The following NCOA6 variants were observed in gnomAD, a reference collection of about 807,000 sequenced individuals.
The protein encoded by NCOA6 is nuclear receptor coactivator 6, also known as NRC RAP250.
NCOA6 carries 49 observed loss-of-function variants against 171.4 expected under a neutral mutation model. The ratio of observed to expected loss-of-function variants is 0.29; its 90% CI spans 0.23 to 0.36. The LOEUF (loss-of-function observed/expected upper bound fraction) is 0.36, where lower values mean the gene tolerates loss of function less well. NCOA6 is among the 10% of genes least tolerant of loss of function. The pLI is 1.00. For synonymous variants in NCOA6, 910 were observed against 927.5 expected (o/e 0.98, Z 0.34); for missense variants, 2,248 against 2,554.5 (o/e 0.88, Z 2.59).
rs1374795918 is a variant in NCOA6, at chr20:34,741,047, G to T, written c.5209C>A (p.Arg1737=). 1 of 1,614,228 alleles carries T rather than the reference G, an allele frequency of 6.2e-7. No individual in the cohort carries two copies. Among genetic ancestry groups the T allele is most frequent in the Non-Finnish European group, 8.5e-7 (1 of 1,180,040 alleles). The change falls in exon 11 of 15, where the codon CGA becomes AGA. Residue 1737 remains arginine (R), a synonymous_variant. Transcript: ENST00000359003. ...QTGRPLVLSS[R]ATPVQLPSPP... ...GAAGGAAGCTGAACAGGGGTGGCTC[G>T]TGAGCTAAGGACCAAAGGTCGACCT... is the stretch of plus-strand genomic sequence containing the variant.
chr20:34,762,344 C>T (rs969856555), intron 5 of NCOA6, among the ~76,000 whole-genome samples: 3 of 152,148 alleles, frequency 2.0e-5, no homozygotes, highest in Non-Finnish European at 2.9e-5. Flanking sequence ...TTTCCTGTAA[C>T]AGCACATAGG....
In NCOA6 at chr20:34,759,058, T is replaced by C; in HGVS notation, c.515-125A>G. 7 of 1,027,684 alleles carry C rather than the reference T, an allele frequency of 6.8e-6. No homozygotes were observed. The Admixed American group carries it at 1.8e-4, about 26-fold the overall frequency. The allele number at this position is 1,027,684 out of a possible 1,614,324, so 63.7% of individuals were successfully genotyped here. A position where few individuals can be genotyped will look rare whatever the true frequency, so the allele number is the denominator to read the frequency against. On this transcript the variant is annotated intron_variant, in intron 5 of 14. Transcript: ENST00000359003. ...TTTTTTTTTTGACAGGGTCTCGCTC[T>C]GTTGCCCAGTCTGCCAAGTGGCACA...
chr20:34,749,507 A>G lies in NCOA6; in HGVS notation c.2688T>C (p.Ser896=), dbSNP rs143585510. 20 of 1,614,244 alleles carry G rather than the reference A, an allele frequency of 1.2e-5. No individual in the cohort carries two copies. The highest frequency in any genetic ancestry group is 1.6e-5 in the Non-Finnish European group (19 of 1,180,048). ...LLVNLLQSDI[S]AGHFGVNNKQ... The stretch of plus-strand genomic sequence containing the variant: ...TATTGTTTACCCCAAAATGGCCTGC[A>G]GATATGTCACTCTGCAATAAGTTGA... Residue 896 remains serine, a synonymous_variant, in exon 9 of 15, where the codon TCT becomes TCC. Transcript: ENST00000359003.
At chr20:34,799,839 C>T (rs977126385) in intron 1 of NCOA6, among the ~76,000 whole-genome samples, 6 of 152,022 alleles carry the variant, frequency 3.9e-5, no homozygotes, top group African/African-American at 9.7e-5. Context: ...CTACAAGAAA[C>T]GCTAAAGGGA....
intron 4 of NCOA6, among the ~76,000 whole-genome samples, chr20:34,775,238 T>C (rs779552733): frequency 1.3e-5 from 2 of 152,118 alleles, no homozygotes; most frequent in Non-Finnish European, 2.9e-5. Flanking sequence ...AGTTTGGTCT[T>C]CATTCTTTGA....
chr20:34,740,278 A>G, intron 11 of NCOA6, 85 bp downstream of exon 11: 1 of 1,492,120 alleles, frequency 6.7e-7, no homozygotes, highest in Non-Finnish European at 9.0e-7. Flanking sequence ...CTTTCCTCCA[A>G]GTAAAAAAGG....
At chr20:34,810,595 A>G (rs1479864249) in intron 1 of NCOA6, among the ~76,000 whole-genome samples, 3 of 149,698 alleles carry the variant, frequency 2.0e-5, no homozygotes, top group East Asian at 3.9e-4. Context: ...TCGCTCTGTC[A>G]CCCAGGCTGG....
At chr20:34,799,233 T>G (rs1007161052) in intron 1 of NCOA6, among the ~76,000 whole-genome samples, 1 of 152,068 alleles carries the variant, frequency 6.6e-6, no homozygotes, top group Non-Finnish European at 1.5e-5. Context: ...ACCAGCAGAA[T>G]TGATCAAGAA....
At chr20:34,754,319 G>A (rs1004355081) in intron 8 of NCOA6, among the ~76,000 whole-genome samples, 6 of 152,184 alleles carry the variant, frequency 3.9e-5, no homozygotes, top group East Asian at 3.8e-4. Context: ...CTGCTGGTCT[G>A]TAAATAAACA....
At chr20:34,739,412 C>A (rs2076061159) in intron 11 of NCOA6, among the ~76,000 whole-genome samples, 1 of 152,166 alleles carries the variant, frequency 6.6e-6, no homozygotes, top group African/African-American at 2.4e-5. Flanking sequence ...TGTTATAATA[C>A]CAACCCAAGC....
intron 9 of NCOA6, among the ~76,000 whole-genome samples, chr20:34,748,962 C>T (rs2076387798): frequency 6.6e-6 from 1 of 152,112 alleles, no homozygotes; most frequent in Non-Finnish European, 1.5e-5. Context: ...GCTCTGATTG[C>T]CAAAACCCCC....
chr20:34,784,686 C>T (rs529132918), intron 2 of NCOA6, among the ~76,000 whole-genome samples: 6 of 152,014 alleles, frequency 3.9e-5, no homozygotes, highest in African/African-American at 9.7e-5. Context: ...GAGGCTGAGG[C>T]GGGAGGATCC....
intron 9 of NCOA6, among the ~76,000 whole-genome samples, chr20:34,748,848 A>T (rs1346664972): frequency 6.6e-6 from 1 of 152,230 alleles, no homozygotes; most frequent in East Asian, 1.9e-4. Flanking sequence ...CAGTAGTTTT[A>T]ATTTCCAAAA....
At chr20:34,732,663 A>G (rs2075823413) in intron 12 of NCOA6, 68 bp from the exon 13 acceptor site, 11 of 1,392,948 alleles carry the variant, frequency 7.9e-6, no homozygotes, top group African/African-American at 1.4e-5. Flanking sequence ...AGGAGTCTAC[A>G]AGAATTCTCT....
chr20:34,815,334 A>G (rs2078800388), intron 1 of NCOA6, among the ~76,000 whole-genome samples: 1 of 151,920 alleles, frequency 6.6e-6, no homozygotes, highest in African/African-American at 2.4e-5. Context: ...CCATGATCAC[A>G]CCACTGCACT....
chr20:34,793,046 G>C (rs915749778), intron 1 of NCOA6, among the ~76,000 whole-genome samples: 3 of 151,998 alleles, frequency 2.0e-5, no homozygotes, highest in Non-Finnish European at 4.4e-5. Context: ...GCCTCCCAAA[G>C]TGCTGAGATT....
At chr20:34,790,365 A>C (rs1238357819) in intron 2 of NCOA6, among the ~76,000 whole-genome samples, 1 of 151,862 alleles carries the variant, frequency 6.6e-6, no homozygotes, top group Non-Finnish European at 1.5e-5. Flanking sequence ...TATTTATTTA[A>C]TTATTTTGAG....
intron 5 of NCOA6, among the ~76,000 whole-genome samples, chr20:34,767,625 C>T (rs1018195397): frequency 6.6e-6 from 1 of 152,172 alleles, no homozygotes; most frequent in Admixed American, 6.5e-5. Flanking sequence ...TTGAGCTCCT[C>T]TATACTGCTG....
At chr20:34,727,512 A>G (rs1990108656) in intron 13 of NCOA6, 105 bp from the exon 14 acceptor site, 1 of 1,230,626 alleles carries the variant, frequency 8.1e-7, no homozygotes, top group Admixed American at 2.1e-5. Flanking sequence ...ACTAAGAACT[A>G]TATAGTTATT....
Sources: gnomAD v4.1 joint callset for allele counts (sites outside exome capture counted in the v4.1 genomes callset) on GRCh38, gnomAD v4.1.1 for gene constraint, MANE v1.5 for transcripts, NCBI Gene and HGNC (gene_info 2026-07-23, HGNC 2026-07-21) for gene names.